Variants in GRAMD2A observed in about 807,000 individuals in gnomAD.
The protein encoded by GRAMD2A is GRAM domain containing 2A, also known as GRAM domain-containing protein 2A.
A neutral mutation model predicts 51.1 loss-of-function variants in GRAMD2A; 37 were observed. That is an observed-to-expected ratio of 0.72 (90% CI 0.56 to 0.95). GRAMD2A has a LOEUF of 0.95. Among genes scored for constraint, GRAMD2A ranks in the 40% least tolerant of loss-of-function variants. The probability of loss-of-function intolerance (pLI) is 0.00; values close to 1 mark genes in which losing one functional copy is unlikely to be tolerated. For synonymous variants in GRAMD2A, 136 were observed against 157.1 expected, an observed-to-expected ratio of 0.87 and a Z score of 1.01; for missense variants, 414 against 426.9, an observed-to-expected ratio of 0.97 and a Z score of 0.27.
rs981772052 is a variant in GRAMD2A, at chr15:72,160,623, C to G, written c.*1386G>C. On this transcript the variant is annotated 3_prime_UTR_variant, in exon 12 of 12. Transcript: ENST00000309731. ...AGGGGAAAACAGTGGCTGCTTCTGACACCGCCCACCCCATCACCAGCAACT... is the reference window on the plus strand; with the variant it reads ...AGGGGAAAACAGTGGCTGCTTCTGAGACCGCCCACCCCATCACCAGCAACT... The G allele has an allele frequency of 2.0e-5, 3 of 152,220 alleles. No homozygotes were observed. Among genetic ancestry groups the G allele is most frequent in the African/African-American group, 7.2e-5 (3 of 41,452 alleles). The allele number at this position is 152,220 out of a possible 1,614,324, so 9.4% of individuals were successfully genotyped here. A position where few individuals can be genotyped will look rare whatever the true frequency, so the allele number is the denominator to read the frequency against.
intron 1 of GRAMD2A, among the ~76,000 whole-genome samples, chr15:72,188,830 C>T (rs2081750341): frequency 6.6e-6 from 1 of 151,934 alleles, no homozygotes; most frequent in African/African-American, 2.4e-5. Flanking sequence ...TTACAGGTGC[C>T]CGCCACCTCA....
chr15:72,164,182 G>A (rs2081514526), intron 8 of GRAMD2A, among the ~76,000 whole-genome samples: 1 of 152,090 alleles, frequency 6.6e-6, no homozygotes, highest in Admixed American at 6.5e-5. Context: ...CTTCTATCCG[G>A]CACATGGTAT....
rs1433717446 is a variant in GRAMD2A, at chr15:72,170,132, C to T, written c.42-193G>A. ...GTTCTGGGATGGCTGACGGAGTAGG[C>T]GGGTCTCACACAGCGTCTTTCCCGA... is the stretch of plus-strand genomic sequence containing the variant. On this transcript the variant is annotated intron_variant, in intron 1 of 11. Coordinates refer to ENST00000309731, the MANE Select transcript of GRAMD2A (RefSeq NM_001012642.3). The surrounding 1 kb of genome is among the most constrained non-coding windows in gnomAD (Gnocchi z 4.5). 3 of 685,816 alleles carry T rather than the reference C, an allele frequency of 4.4e-6. No individual in the cohort carries two copies. The highest frequency in any genetic ancestry group is 1.8e-5 in the African/African-American group (1 of 56,824). 42.5% of individuals were successfully genotyped at this position (685,816 alleles called of 1,614,324 possible).
In GRAMD2A at chr15:72,178,764, A is replaced by C. The variant is rs182900505; in HGVS notation, c.42-8825T>G. Among the ~76,000 whole-genome samples the C allele has an allele frequency of 2.6e-3, 389 of 151,364 alleles. 1 individual carries two copies. Among genetic ancestry groups the C allele is most frequent in the African/African-American group, 7.2e-3 (299 of 41,294 alleles). On this transcript the variant is annotated intron_variant, in intron 1 of 11. Coordinates refer to ENST00000309731, the MANE Select transcript of GRAMD2A (RefSeq NM_001012642.3). ...TAATTTTTTGTATTTTTAGTAGAGA[A>C]GGGGTTTCACCGTGTTAGCCAGGAT...
chr15:72,165,329 C>G (rs2081531011), intron 8 of GRAMD2A, 25 bp downstream of exon 8: 1 of 1,612,190 alleles, frequency 6.2e-7, no homozygotes, highest in Non-Finnish European at 8.5e-7. Flanking sequence ...GTCCAGCAGT[C>G]TTTGCTCCCA....
chr15:72,167,667 G>C (rs2081562643), intron 5 of GRAMD2A, 69 bp downstream of exon 5: 1 of 1,202,026 alleles, frequency 8.3e-7, no homozygotes, highest in Admixed American at 1.7e-5. Flanking sequence ...ATGACTTTGA[G>C]GCATGCCCGT....
rs2081589144 is a variant in GRAMD2A, at chr15:72,169,737, T to C, written c.134+110A>G. On this transcript the variant is annotated intron_variant, in intron 2 of 11. Coordinates refer to ENST00000309731, the MANE Select transcript of GRAMD2A (RefSeq NM_001012642.3). ...CAGCCTGTGCCTGACCTCACAGACC[T>C]GCAAAGGGGCCCCGGCTCTGCCTTG... The C allele has an allele frequency of 2.5e-5, 22 of 864,268 alleles. No homozygotes were observed. In the South Asian group the frequency reaches 2.6e-4, roughly 10 times the overall value. The allele number at this position is 864,268 out of a possible 1,614,324, so 53.5% of individuals were successfully genotyped here. A position where few individuals can be genotyped will look rare whatever the true frequency, so the allele number is the denominator to read the frequency against.
Position 72,170,410 on chromosome 15 carries a change from G to A in GRAMD2A, c.42-471C>T. 2.2e-6 allele frequency: 1 copy of A among 456,230 alleles called. No individual in the cohort carries two copies. Among genetic ancestry groups the A allele is most frequent in the Non-Finnish European group, 4.4e-6 (1 of 226,958 alleles). 28.3% of individuals were successfully genotyped at this position (456,230 alleles called of 1,614,324 possible). On this transcript the variant is annotated intron_variant, in intron 1 of 11. Transcript: ENST00000309731. This position sits in a 1 kb window ranked among gnomAD's most constrained non-coding sequence, Gnocchi z 4.5. ...GCACAGGAGGCCTTATCAAAGCTCAGGAGCTGATGCGCTGAAGGTGTGGGA... is the reference window on the plus strand; with the variant it reads ...GCACAGGAGGCCTTATCAAAGCTCAAGAGCTGATGCGCTGAAGGTGTGGGA...
intron 1 of GRAMD2A, among the ~76,000 whole-genome samples, chr15:72,191,372 G>C (rs752851345): frequency 2.0e-5 from 3 of 152,050 alleles, no homozygotes; most frequent in Non-Finnish European, 2.9e-5. Context: ...GCTAATTTTT[G>C]TATTTTTTTT....
chr15:72,192,731 A>C (rs1477999578), intron 1 of GRAMD2A, among the ~76,000 whole-genome samples: 2 of 152,260 alleles, frequency 1.3e-5, no homozygotes, highest in Non-Finnish European at 2.9e-5. Context: ...TCTTTACTTT[A>C]GGTTAAAAAG....
Position 72,167,101 on chromosome 15 carries a change from G to A in GRAMD2A, c.373-9C>T, listed in dbSNP as rs939667951. The A allele has an allele frequency of 6.3e-7, 1 of 1,591,648 alleles. No homozygotes were observed. Among genetic ancestry groups the A allele is most frequent in the African/African-American group, 1.3e-5 (1 of 74,486 alleles). Reference sequence around the variant, plus strand: ...ACCACAGGAATGACCACCTGAGAGGGAGAGGGATGCTTCTCTCAGGACTAA... The same window carrying A: ...ACCACAGGAATGACCACCTGAGAGGAAGAGGGATGCTTCTCTCAGGACTAA... On this transcript the variant is annotated splice_polypyrimidine_tract_variant and intron_variant, in intron 5 of 11. Coordinates refer to ENST00000309731, the MANE Select transcript of GRAMD2A (RefSeq NM_001012642.3).
intron 8 of GRAMD2A, 54 bp downstream of exon 8, chr15:72,165,300 A>C: frequency 6.5e-7 from 1 of 1,550,008 alleles, no homozygotes; most frequent in Non-Finnish European, 8.9e-7. Context: ...CAGAAGCCTC[A>C]GAGCTCCAGG....
Position 72,170,013 on chromosome 15 carries a change from A to C in GRAMD2A, c.42-74T>G. 1.9e-6 allele frequency: 2 copies of C among 1,065,730 alleles called. No individual in the cohort carries two copies. The highest frequency in any genetic ancestry group is 2.9e-6 in the Non-Finnish European group (2 of 680,270). 66.0% of individuals were successfully genotyped at this position (1,065,730 alleles called of 1,614,324 possible). The stretch of plus-strand genomic sequence containing the variant: ...TTTCCCTAACAGCCCCACCATGCCC[A>C]TGGCCGCTGCCTCTGGCCCCCACCC... On this transcript the variant is annotated intron_variant, in intron 1 of 11. Transcript: ENST00000309731. This position sits in a 1 kb window ranked among gnomAD's most constrained non-coding sequence, Gnocchi z 4.5.
intron 4 of GRAMD2A, 131 bp downstream of exon 4, chr15:72,168,360 C>T: frequency 1.4e-6 from 1 of 717,250 alleles, no homozygotes. Flanking sequence ...TTCTCACATT[C>T]TAGGGGAGTG....
chr15:72,169,242 CG>C lies in GRAMD2A; in HGVS notation c.135-247del, dbSNP rs2081582967. ...CGCCAAGGGCCCACCTTCCCCAGTGCGGGTGAGCAGCATCTCCTGGAGGTGC... is the reference window on the plus strand; with the variant it reads ...CGCCAAGGGCCCACCTTCCCCAGTGCGGTGAGCAGCATCTCCTGGAGGTGC... On this transcript the variant is annotated intron_variant, in intron 2 of 11. Transcript: ENST00000309731. 8.9e-6 allele frequency: 5 copies of C among 563,226 alleles called. No individual in the cohort carries two copies. The South Asian group carries it at 9.9e-5, about 11-fold the overall frequency. 34.9% of individuals were successfully genotyped at this position (563,226 alleles called of 1,614,324 possible).
At chr15:72,174,560 G>A (rs541836621) in intron 1 of GRAMD2A, among the ~76,000 whole-genome samples, 1 of 152,274 alleles carries the variant, frequency 6.6e-6, no homozygotes, top group East Asian at 1.9e-4. Flanking sequence ...CAGGGGAGTG[G>A]CAGTGTTTTG....
At chr15:72,174,127 C>G (rs1035680171) in intron 1 of GRAMD2A, among the ~76,000 whole-genome samples, 1 of 152,238 alleles carries the variant, frequency 6.6e-6, no homozygotes, top group East Asian at 1.9e-4. Context: ...CTTCAGTTCA[C>G]TTTCCACTCA....
At chr15:72,171,338 T>A (rs1193195352) in intron 1 of GRAMD2A, among the ~76,000 whole-genome samples, 1 of 151,986 alleles carries the variant, frequency 6.6e-6, no homozygotes, top group East Asian at 1.9e-4. Flanking sequence ...AAAATATATA[T>A]AAGATCAAAA....
chr15:72,168,954 CTTCT>C lies in GRAMD2A; in HGVS notation c.173_176del (p.Lys58SerfsTer7), dbSNP rs780429017. 23 of 1,614,208 alleles carry C rather than the reference CTTCT, an allele frequency of 1.4e-5. No individual in the cohort carries two copies. The highest frequency in any genetic ancestry group is 1.9e-5 in the Non-Finnish European group (22 of 1,179,992). ...CCAGACTTACCCCTTCTCGGCCACA[CTTCT>C]TTATCTCTTCACCCTTCAAGCCTTC... On this transcript the variant is annotated frameshift_variant, in exon 3 of 12. Coordinates refer to ENST00000309731, the MANE Select transcript of GRAMD2A (RefSeq NM_001012642.3). LOFTEE classifies it high-confidence loss of function.
Sources: gnomAD v4.1 joint callset for allele counts (sites outside exome capture counted in the v4.1 genomes callset) on GRCh38, gnomAD v4.1.1 for gene constraint, Gnocchi (gnomAD v3.1) non-coding constraint, MANE v1.5 for transcripts, NCBI Gene and HGNC (gene_info 2026-07-23, HGNC 2026-07-21) for gene names.